ROBO2: variants seen among roughly 807,000 people sequenced by gnomAD.
ROBO2 encodes roundabout homolog 2.
In ROBO2, 53 loss-of-function variants were observed where a neutral mutation model predicts 160.8. The ratio of observed to expected loss-of-function variants is 0.33; its 90% CI spans 0.26 to 0.41. ROBO2 has a LOEUF of 0.41. Among genes scored for constraint, ROBO2 ranks in the 10% least tolerant of loss-of-function variants. The pLI is 1.00. For synonymous variants in ROBO2, 664 were observed against 611.7 expected (o/e 1.09, Z -1.26); for missense variants, 1,577 against 1,722.4 (o/e 0.92, Z 1.49).
At chr3:76,429,864 T>C (rs1577130989) in intron 2 of ROBO2, among the ~76,000 whole-genome samples, 1 of 152,210 alleles carries the variant, frequency 6.6e-6, no homozygotes, top group Non-Finnish European at 1.5e-5. Flanking sequence ...AGGATAGAGG[T>C]GTTGCCTTCC....
chr3:75,932,658 A>G (rs1276926970), intron 1 of ROBO2, among the ~76,000 whole-genome samples: 1 of 152,172 alleles, frequency 6.6e-6, no homozygotes, highest in African/African-American at 2.4e-5. Context: ...TTGTGGGGCA[A>G]ATTGGCAAAT....
In ROBO2 at chr3:77,083,257, C is replaced by T. The variant is rs114386793; in HGVS notation, c.62-14757C>T. 9.1e-3 allele frequency among the ~76,000 whole-genome samples: 1,386 copies of T among 152,214 alleles called. 18 individuals carry two copies. The highest frequency in any genetic ancestry group is 0.031 in the African/African-American group (1,287 of 41,532). ...TGTCCAAATAAACGCTGAGCCCCAG[C>T]GTGGAGGTTCAGAGTTTTGTACTTC... On this transcript the variant is annotated intron_variant, in intron 1 of 25. Coordinates refer to ENST00000461745, the Ensembl canonical transcript of ROBO2.
At chr3:76,127,890 A>ATTT (rs2071054445) in intron 2 of ROBO2, among the ~76,000 whole-genome samples, 1 of 80,832 alleles carries the variant, frequency 1.2e-5, no homozygotes. Context: ...TCTTGAAGAC[A>ATTT]TTTCTTTTTT....
At chr3:76,390,593 A>C (rs1370815434) in intron 2 of ROBO2, among the ~76,000 whole-genome samples, 1 of 152,178 alleles carries the variant, frequency 6.6e-6, no homozygotes, top group Non-Finnish European at 1.5e-5. Flanking sequence ...ACATTAGTTA[A>C]GTAGTTGGAC....
chr3:77,586,484 T>C (rs1474365038), intron 16 of ROBO2, among the ~76,000 whole-genome samples: 2 of 152,136 alleles, frequency 1.3e-5, no homozygotes, highest in African/African-American at 4.8e-5. Flanking sequence ...ATGAAGACAT[T>C]ATATTTCATT....
intron 2 of ROBO2, among the ~76,000 whole-genome samples, chr3:76,756,534 T>C (rs540680545): frequency 1.3e-5 from 2 of 152,006 alleles, no homozygotes; most frequent in South Asian, 2.1e-4. Flanking sequence ...CTTATGATTA[T>C]GTTATTTAAA....
chr3:75,970,597 G>A (rs2064964893), intron 2 of ROBO2, among the ~76,000 whole-genome samples: 1 of 151,520 alleles, frequency 6.6e-6, no homozygotes. Context: ...TCTTAAAGTT[G>A]TTTGTAAGTA....
chr3:76,030,757 T>G (rs548226785), intron 2 of ROBO2, among the ~76,000 whole-genome samples: 8 of 152,334 alleles, frequency 5.3e-5, no homozygotes, highest in Non-Finnish European at 1.2e-4. Context: ...CCATGCTGTT[T>G]TGGTTACTGT....
intron 2 of ROBO2, among the ~76,000 whole-genome samples, chr3:76,827,638 G>A (rs1428572115): frequency 3.3e-5 from 5 of 152,046 alleles, no homozygotes; most frequent in African/African-American, 1.2e-4. Flanking sequence ...GCAGTTCTGT[G>A]TTTTTATCAT....
chr3:76,743,411 A>G (rs1576365098), intron 2 of ROBO2, among the ~76,000 whole-genome samples: 1 of 152,282 alleles, frequency 6.6e-6, no homozygotes, highest in African/African-American at 2.4e-5. Flanking sequence ...GCATGGCTCA[A>G]TATTCCCATT....
intron 2 of ROBO2, among the ~76,000 whole-genome samples, chr3:76,488,013 A>G (rs1315589498): frequency 6.6e-6 from 1 of 152,214 alleles, no homozygotes; most frequent in Non-Finnish European, 1.5e-5. Flanking sequence ...AGCAAGTCTC[A>G]GACCACACTC....
rs1016756650 is a variant in ROBO2, at chr3:76,258,810, C to A, written c.109+321208C>A. Among the ~76,000 whole-genome samples, 10 of 152,060 alleles carry A rather than the reference C, an allele frequency of 6.6e-5. No individual in the cohort carries two copies. The East Asian group carries it at 7.7e-4, about 12-fold the overall frequency. ...AAACAGCTCTACCTAATTCAGATGA[C>A]CTGCTTTAATTTATTTCTCCCTTAT... On this transcript the variant is annotated intron_variant, in intron 2 of 26. Transcript: ENST00000487694.
chr3:76,869,499 G>A (rs1439648705), intron 2 of ROBO2, among the ~76,000 whole-genome samples: 2 of 151,622 alleles, frequency 1.3e-5, no homozygotes, highest in East Asian at 2.0e-4. Flanking sequence ...ACAGGCTCCC[G>A]ACACCACGCC....
intron 2 of ROBO2, among the ~76,000 whole-genome samples, chr3:76,962,100 C>T (rs577662001): frequency 1.3e-5 from 2 of 151,996 alleles, no homozygotes; most frequent in South Asian, 4.2e-4. Flanking sequence ...TTTGGGAGTC[C>T]AAGACGGGTG....
At chr3:76,304,319 GT>G (rs2071216924) in intron 2 of ROBO2, among the ~76,000 whole-genome samples, 1 of 152,136 alleles carries the variant, frequency 6.6e-6, no homozygotes, top group African/African-American at 2.4e-5. Flanking sequence ...ATTAAAGTGT[GT>G]TTTTAATATG....
chr3:76,402,977 G>A (rs1039630251), intron 2 of ROBO2, among the ~76,000 whole-genome samples: 2 of 151,586 alleles, frequency 1.3e-5, no homozygotes, highest in African/African-American at 2.4e-5. Flanking sequence ...GAATCTGACA[G>A]TTTTGGAGAT....
intron 2 of ROBO2, among the ~76,000 whole-genome samples, chr3:76,693,572 A>G (rs2092860880): frequency 6.6e-6 from 1 of 152,014 alleles, no homozygotes. Context: ...GAGAAGTCCC[A>G]TGATAGGCTA....
chr3:76,202,430 G>A (rs563790609), intron 2 of ROBO2, among the ~76,000 whole-genome samples: 2 of 152,226 alleles, frequency 1.3e-5, no homozygotes, highest in South Asian at 2.1e-4. Context: ...TAATAATACT[G>A]CTTATCTAAA....
At chr3:76,055,510 T>A (rs1223228502) in intron 2 of ROBO2, among the ~76,000 whole-genome samples, 1 of 151,998 alleles carries the variant, frequency 6.6e-6, no homozygotes, top group Non-Finnish European at 1.5e-5. Context: ...CTCCCCCCTT[T>A]TGGAGTTTTC....
Sources: allele counts gnomAD v4.1 joint callset (sites outside exome capture counted in the v4.1 genomes callset), GRCh38; gene constraint gnomAD v4.1.1; transcripts MANE v1.5; gene names NCBI Gene and HGNC (gene_info 2026-07-23, HGNC 2026-07-21).